The following XYLT1 variants were observed in gnomAD, a reference collection of about 807,000 sequenced individuals.
The protein encoded by XYLT1 is xylosyltransferase 1, also known as beta-D-xylosyltransferase 1.
In XYLT1, 36 loss-of-function variants were observed where a neutral mutation model predicts 91.3. The ratio of observed to expected loss-of-function variants is 0.39; its 90% confidence interval spans 0.30 to 0.52. XYLT1 has a LOEUF of 0.52. XYLT1 is among the 20% of genes least tolerant of loss of function. XYLT1 has a pLI of 0.68. For missense variants in XYLT1, 1,242 were observed against 1,284.5 expected (o/e 0.97, Z 0.51); for synonymous variants, 588 against 532.0 (o/e 1.11, Z -1.45).
chr16:17,380,410 A>G (rs1212847033), intron 1 of XYLT1, among the ~76,000 whole-genome samples: 1 of 152,236 alleles, frequency 6.6e-6, no homozygotes. Flanking sequence ...ATCCCATGGA[A>G]GGATATACAA....
chr16:17,440,761 T>G (rs929252058), intron 1 of XYLT1, among the ~76,000 whole-genome samples: 1 of 152,252 alleles, frequency 6.6e-6, no homozygotes, highest in African/African-American at 2.4e-5. Context: ...CTCCATGGAC[T>G]ACTGCTCTCT....
intron 3 of XYLT1, among the ~76,000 whole-genome samples, chr16:17,252,096 G>T (rs764305677): frequency 6.6e-6 from 1 of 151,498 alleles, no homozygotes; most frequent in Non-Finnish European, 1.5e-5. Flanking sequence ...CCTCCATTGC[G>T]ACGATTAGGT....
chr16:17,344,859 C>T lies in XYLT1; in HGVS notation c.402+13153G>A, dbSNP rs1224472108. 2.0e-5 allele frequency among the ~76,000 whole-genome samples: 3 copies of T among 152,120 alleles called. No individual in the cohort carries two copies. In the East Asian group the frequency reaches 5.8e-4, roughly 30 times the overall value. On this transcript the variant is annotated intron_variant, in intron 2 of 11. Coordinates refer to ENST00000261381, the MANE Select transcript of XYLT1 (RefSeq NM_022166.4). ...GGGACTACAAGCATGCGCCACCACG[C>T]TTGGCTAATTTTTATATTTTTAGTA...
intron 2 of XYLT1, among the ~76,000 whole-genome samples, chr16:17,271,420 A>G (rs1050266320): frequency 1.3e-5 from 2 of 152,058 alleles, no homozygotes; most frequent in African/African-American, 4.8e-5. Flanking sequence ...AAAGATACAG[A>G]GAGAGACACA....
At chr16:17,261,940 C>G (rs1273485369) in intron 2 of XYLT1, among the ~76,000 whole-genome samples, 1 of 152,036 alleles carries the variant, frequency 6.6e-6, no homozygotes, top group Admixed American at 6.6e-5. Context: ...AAAAAAAATC[C>G]CCTTCAGTTG....
intron 3 of XYLT1, among the ~76,000 whole-genome samples, chr16:17,241,900 A>T (rs1053254668): frequency 5.9e-5 from 9 of 152,196 alleles, no homozygotes; most frequent in African/African-American, 1.9e-4. Flanking sequence ...ATTTACAAAG[A>T]AAAAGAGGTT....
At chr16:17,289,941 G>A (rs901464986) in intron 2 of XYLT1, among the ~76,000 whole-genome samples, 1 of 152,188 alleles carries the variant, frequency 6.6e-6, no homozygotes, top group Non-Finnish European at 1.5e-5. Context: ...AATTTGGCTT[G>A]AAGCAAATGA....
chr16:17,151,684 GGAT>G (rs2031287024), intron 6 of XYLT1, among the ~76,000 whole-genome samples: 1 of 152,176 alleles, frequency 6.6e-6, no homozygotes, highest in African/African-American at 2.4e-5. Context: ...TGACATTCAA[GGAT>G]GATGATTAGT....
intron 2 of XYLT1, among the ~76,000 whole-genome samples, chr16:17,272,352 C>T (rs759628732): frequency 7.9e-5 from 12 of 151,574 alleles, no homozygotes; most frequent in Admixed American, 1.3e-4. Context: ...TTAGTAGAGA[C>T]GCGGTTTCAC....
Position 17,107,939 on chromosome 16 carries a change from A to G in XYLT1, c.*756T>C, listed in dbSNP as rs1356603972. 1 of 152,720 alleles carries G rather than the reference A, an allele frequency of 6.5e-6. No homozygotes were observed. The highest frequency in any genetic ancestry group is 6.5e-5 in the Admixed American group (1 of 15,278). The allele number at this position is 152,720 out of a possible 1,614,324, so 9.5% of individuals were successfully genotyped here. A position where few individuals can be genotyped will look rare whatever the true frequency, so the allele number is the denominator to read the frequency against. On this transcript the variant is annotated 3_prime_UTR_variant, in exon 12 of 12. Coordinates refer to ENST00000261381, the MANE Select transcript of XYLT1 (RefSeq NM_022166.4). ...TTGCACTTGTGGCTGGACCTTGGCC[A>G]TGCCACATCAAAAGGCTTTCCCACT...
At chr16:17,242,134 G>A (rs1193982851) in intron 3 of XYLT1, among the ~76,000 whole-genome samples, 1 of 152,162 alleles carries the variant, frequency 6.6e-6, no homozygotes, top group Non-Finnish European at 1.5e-5. Context: ...CATGACACAT[G>A]GGAATTGTGG....
At chr16:17,294,820 A>G (rs562699381) in intron 2 of XYLT1, among the ~76,000 whole-genome samples, 7 of 152,292 alleles carry the variant, frequency 4.6e-5, no homozygotes, top group African/African-American at 1.7e-4. Context: ...AAGCACCCTT[A>G]TTCCTGGTGT....
intron 3 of XYLT1, among the ~76,000 whole-genome samples, chr16:17,249,209 GACAA>G (rs2033495668): frequency 6.6e-6 from 1 of 152,164 alleles, no homozygotes; most frequent in South Asian, 2.1e-4. Flanking sequence ...GGGAGCTGGT[GACAA>G]ACAGTTTCAG....
Position 17,165,400 on chromosome 16 carries a change from T to G in XYLT1, c.1290-6491A>C, listed in dbSNP as rs189137640. Among the ~76,000 whole-genome samples the G allele has an allele frequency of 2.8e-3, 424 of 152,264 alleles. 1 individual carries two copies. The highest frequency in any genetic ancestry group is 5.7e-3 in the Admixed American group (87 of 15,292). ...TGCACAGGATCCTATAGAATGGGCG[T>G]AGCCAGCTGGGCATGGTGGCTCATG... On this transcript the variant is annotated intron_variant, in intron 5 of 11. Coordinates refer to ENST00000261381, the MANE Select transcript of XYLT1 (RefSeq NM_022166.4).
chr16:17,160,271 T>G (rs922207771), intron 5 of XYLT1, among the ~76,000 whole-genome samples: 1 of 152,178 alleles, frequency 6.6e-6, no homozygotes, highest in African/African-American at 2.4e-5. Context: ...AATGGACAAC[T>G]GGGTGGATTT....
intron 3 of XYLT1, among the ~76,000 whole-genome samples, chr16:17,225,859 G>A (rs543009219): frequency 2.6e-5 from 4 of 152,118 alleles, no homozygotes; most frequent in African/African-American, 7.2e-5. Flanking sequence ...AAATAAATTG[G>A]GTGCTTTTAA....
intron 2 of XYLT1, among the ~76,000 whole-genome samples, chr16:17,266,453 A>G (rs2033806274): frequency 6.6e-6 from 1 of 152,174 alleles, no homozygotes; most frequent in Non-Finnish European, 1.5e-5. Flanking sequence ...TATATTTTCT[A>G]CCCATTTTTC....
chr16:17,416,368 T>C (rs2036180079), intron 1 of XYLT1, among the ~76,000 whole-genome samples: 1 of 152,198 alleles, frequency 6.6e-6, no homozygotes, highest in Non-Finnish European at 1.5e-5. Flanking sequence ...CCCACTCATT[T>C]GGGGGAATTA....
chr16:17,446,818 C>T (rs994628708), intron 1 of XYLT1, among the ~76,000 whole-genome samples: 1 of 150,782 alleles, frequency 6.6e-6, no homozygotes, highest in African/African-American at 2.5e-5. Flanking sequence ...CCCAACCCAA[C>T]CAGAGCTGAG....
Sources: gnomAD v4.1 joint callset for allele counts (sites outside exome capture counted in the v4.1 genomes callset) on GRCh38, gnomAD v4.1.1 for gene constraint, MANE v1.5 for transcripts, NCBI Gene and HGNC (gene_info 2026-07-23, HGNC 2026-07-21) for gene names.